The following REPS1 variants were observed in gnomAD, a reference collection of about 807,000 sequenced individuals.
REPS1 encodes RALBP1 associated Eps domain containing 1, also known as ralBP1-associated Eps domain-containing protein 1.
In REPS1, 39 loss-of-function variants were observed where a neutral mutation model predicts 100.9. That is an observed-to-expected ratio of 0.39 (90% CI 0.30 to 0.50). The LOEUF (loss-of-function observed/expected upper bound fraction) is 0.50, where lower values mean the gene tolerates loss of function less well. Ranked by LOEUF, REPS1 falls within the 20% of genes least tolerant of loss-of-function variation. The pLI is 0.86. For missense variants in REPS1, 821 were observed against 968.5 expected (o/e 0.85, Z 2.02); for synonymous variants, 324 against 340.3 (o/e 0.95, Z 0.53).
Position 138,904,951 on chromosome 6 carries a change from A to T in REPS1, c.*113T>A. On this transcript the variant is annotated 3_prime_UTR_variant, in exon 20 of 20. Transcript: ENST00000450536. The stretch of plus-strand genomic sequence containing the variant: ...CGGTGAACATATAGGGCAAAACAGA[A>T]TCATAAAATTTAATGTTGAGTTAAG... 1 of 776,744 alleles carries T rather than the reference A, an allele frequency of 1.3e-6. No individual in the cohort carries two copies. 48.1% of individuals were successfully genotyped at this position (776,744 alleles called of 1,614,324 possible). A position where few individuals can be genotyped will look rare whatever the true frequency, so the allele number is the denominator to read the frequency against.
intron 3 of REPS1, 29 bp downstream of exon 3, chr6:138,945,472 A>G (rs1325445398): frequency 1.9e-6 from 3 of 1,585,064 alleles, no homozygotes; most frequent in Non-Finnish European, 2.6e-6. Flanking sequence ...CAGGGCATCA[A>G]CTGCTAATAT....
chr6:138,928,633 T>C (rs2128455706), intron 9 of REPS1: 1 of 152,316 alleles, frequency 6.6e-6, no homozygotes, highest in African/African-American at 2.4e-5. Flanking sequence ...AATGATCACA[T>C]ACGATTTTAT....
chr6:138,933,574 AAAC>A (rs1418378483), intron 8 of REPS1, among the ~76,000 whole-genome samples: 1 of 152,264 alleles, frequency 6.6e-6, no homozygotes, highest in Admixed American at 6.5e-5. Context: ...ACCTCAAACA[AAAC>A]AACATATCCA....
intron 1 of REPS1, chr6:138,951,227 C>G (rs1051581339): frequency 2.0e-5 from 3 of 152,060 alleles, no homozygotes; most frequent in Admixed American, 1.3e-4. Flanking sequence ...AAAGCTAGTT[C>G]TAGTTCTGTT....
chr6:138,950,562 T>C (rs1782950990), intron 1 of REPS1, among the ~76,000 whole-genome samples: 3 of 152,186 alleles, frequency 2.0e-5, no homozygotes, highest in Admixed American at 6.5e-5. Context: ...AACTGCTATA[T>C]TTATATGTGC....
At chr6:138,921,981 GTGTGTGTGT>G (rs971956517) in intron 10 of REPS1, among the ~76,000 whole-genome samples, 2 of 126,064 alleles carry the variant, frequency 1.6e-5, no homozygotes, top group African/African-American at 8.2e-5. Flanking sequence ...CAAAAAGTGT[GTGTGTGTGT>G]GTGTGTGTGT....
intron 1 of REPS1, among the ~76,000 whole-genome samples, chr6:138,984,041 C>T (rs1178900556): frequency 2.0e-5 from 3 of 151,566 alleles, no homozygotes; most frequent in South Asian, 2.1e-4. Context: ...AGGCCTATCA[C>T]GTTTACCTTC....
rs1784795281 is a variant in REPS1 at position 138,979,234 on chromosome 6, CA to C, written c.153+8295del. On this transcript the variant is annotated intron_variant, in intron 1 of 19. Transcript: ENST00000450536. ...AACTGAAGAAGTATCCCCTTCCTAT[CA>C]AAGGACTCTGTGCAGTCAGGATCCT... Among the ~76,000 whole-genome samples, 9 of 144,844 alleles carry C rather than the reference CA, an allele frequency of 6.2e-5. No individual in the cohort carries two copies. In the South Asian group the frequency reaches 2.0e-3, roughly 32 times the overall value.
intron 1 of REPS1, among the ~76,000 whole-genome samples, chr6:138,959,638 C>T (rs1360901192): frequency 1.3e-5 from 2 of 152,056 alleles, no homozygotes; most frequent in Admixed American, 6.5e-5. Context: ...CTAGTCTGAT[C>T]GACTTATAAA....
At chr6:138,937,911 C>T (rs1337902190) in intron 8 of REPS1, among the ~76,000 whole-genome samples, 2 of 151,992 alleles carry the variant, frequency 1.3e-5, no homozygotes, top group South Asian at 2.1e-4. Flanking sequence ...CACAGAAGTA[C>T]ATGTAAAATT....
intron 8 of REPS1, chr6:138,934,278 T>C (rs984501130): frequency 8.5e-6 from 4 of 468,480 alleles, no homozygotes; most frequent in African/African-American, 2.0e-5. Flanking sequence ...CAACCCTGCC[T>C]CCCTCCTGTG....
chr6:138,969,413 C>T lies in REPS1; in HGVS notation c.153+18117G>A, dbSNP rs572971089. 1.6e-3 allele frequency among the ~76,000 whole-genome samples: 248 copies of T among 150,852 alleles called. 1 individual carries two copies. The Middle Eastern group carries it at 0.034, about 21-fold the overall frequency. ...TTCAAACCCCTTCTGCCTTAGCCTCCTGAGCAGCTAACAGGCACACACCAC... is the reference window on the plus strand; with the variant it reads ...TTCAAACCCCTTCTGCCTTAGCCTCTTGAGCAGCTAACAGGCACACACCAC... On this transcript the variant is annotated intron_variant, in intron 1 of 19. Coordinates refer to ENST00000450536, the MANE Select transcript of REPS1 (RefSeq NM_001286611.2).
chr6:138,943,259 A>G (rs945982703), intron 7 of REPS1, among the ~76,000 whole-genome samples: 5 of 152,246 alleles, frequency 3.3e-5, no homozygotes, highest in Non-Finnish European at 7.3e-5. Context: ...TTTATCTCAT[A>G]CATTATGCTA....
rs116196067 is a variant in REPS1 at position 138,973,650 on chromosome 6, T to A, written c.153+13880A>T. On this transcript the variant is annotated intron_variant, in intron 1 of 19. Transcript: ENST00000450536. ...GTAGTTTAAAGCAGAACTACTTAAA[T>A]CCCAGCTCAATGACTTACTAGCTGT... 9.0e-3 allele frequency among the ~76,000 whole-genome samples: 1,349 copies of A among 150,584 alleles called. 26 individuals are homozygous for A. The highest frequency in any genetic ancestry group is 0.031 in the African/African-American group (1,277 of 40,810).
chr6:138,947,043 T>TCTCTCTTG (rs1476630913), intron 2 of REPS1, among the ~76,000 whole-genome samples: 7 of 47,038 alleles, frequency 1.5e-4, no homozygotes, highest in African/African-American at 4.2e-4. Context: ...TTGCTCTCTC[T>TCTCTCTTG]CTCTCTCTCT....
chr6:138,936,173 C>G (rs1305754514), intron 8 of REPS1, among the ~76,000 whole-genome samples: 2 of 152,140 alleles, frequency 1.3e-5, no homozygotes, highest in African/African-American at 4.8e-5. Context: ...AGGACACTTA[C>G]TAATCCGCTG....
intron 1 of REPS1, among the ~76,000 whole-genome samples, chr6:138,951,702 G>A (rs1224039031): frequency 6.6e-6 from 1 of 152,096 alleles, no homozygotes; most frequent in Non-Finnish European, 1.5e-5. Flanking sequence ...CTGTGATACA[G>A]GTGAGGCAAT....
At chr6:138,940,557 C>T (rs545922112) in intron 8 of REPS1, among the ~76,000 whole-genome samples, 2 of 151,924 alleles carry the variant, frequency 1.3e-5, no homozygotes, top group East Asian at 1.9e-4. Context: ...CCATCCTGGC[C>T]AACATGGTGA....
intron 8 of REPS1, among the ~76,000 whole-genome samples, chr6:138,940,025 CA>C (rs1782122603): frequency 6.6e-6 from 1 of 152,146 alleles, no homozygotes; most frequent in South Asian, 2.1e-4. Context: ...GGTGGAGAAA[CA>C]GAAGGGAAAA....
Sources: allele counts gnomAD v4.1 joint callset (sites outside exome capture counted in the v4.1 genomes callset), GRCh38; gene constraint gnomAD v4.1.1; transcripts MANE v1.5; gene names NCBI Gene and HGNC (gene_info 2026-07-23, HGNC 2026-07-21).